The following LRRTM4 variants were observed in gnomAD, a reference collection of about 807,000 sequenced individuals.
LRRTM4 encodes the protein leucine rich repeat transmembrane neuronal 4.
LRRTM4 carries 25 observed loss-of-function variants against 47.6 expected under a neutral mutation model. The observed-to-expected ratio is 0.53, with a 90% CI of 0.38 to 0.73. The LOEUF (loss-of-function observed/expected upper bound fraction) is 0.73, where lower values mean the gene tolerates loss of function less well. LRRTM4 is among the 30% of genes least tolerant of loss of function. LRRTM4 has a pLI of 0.00. For synonymous variants in LRRTM4, 311 were observed against 269.5 expected, an observed-to-expected ratio of 1.15 and a Z score of -1.51; for missense variants, 638 against 713.4, an observed-to-expected ratio of 0.89 and a Z score of 1.20.
intron 3 of LRRTM4, among the ~76,000 whole-genome samples, chr2:77,359,752 T>C (rs940396175): frequency 2.0e-5 from 3 of 152,186 alleles, no homozygotes; most frequent in African/African-American, 7.2e-5. Flanking sequence ...TTTCAACTAA[T>C]AGATGTGGAC....
At chr2:77,082,035 T>C (rs1041211187) in intron 3 of LRRTM4, among the ~76,000 whole-genome samples, 2 of 152,170 alleles carry the variant, frequency 1.3e-5, no homozygotes, top group Admixed American at 1.3e-4. Context: ...CCTAGTTTAG[T>C]AGCTATATGT....
chr2:76,810,389 T>C (rs1573150173), intron 3 of LRRTM4, among the ~76,000 whole-genome samples: 1 of 152,222 alleles, frequency 6.6e-6, no homozygotes, highest in South Asian at 2.1e-4. Context: ...ACCAAAAGGA[T>C]ATAAAATAGA....
chr2:77,492,812 T>TATC (rs1157286392), intron 3 of LRRTM4, among the ~76,000 whole-genome samples: 3 of 152,214 alleles, frequency 2.0e-5, no homozygotes, highest in East Asian at 3.9e-4. Context: ...ATGTGAATAT[T>TATC]ATCATTAGGA....
intron 3 of LRRTM4, among the ~76,000 whole-genome samples, chr2:77,003,563 T>C (rs189042117): frequency 1.3e-3 from 205 of 152,316 alleles, no homozygotes; most frequent in African/African-American, 4.7e-3. Context: ...GATGTGACTT[T>C]GATCCTCATT....
intron 3 of LRRTM4, among the ~76,000 whole-genome samples, chr2:76,845,254 G>T (rs1671805084): frequency 6.6e-6 from 1 of 152,150 alleles, no homozygotes; most frequent in African/African-American, 2.4e-5. Context: ...ACTTTGGGAG[G>T]CTGAGGTAGG....
chr2:76,956,852 A>T (rs1346021728), intron 3 of LRRTM4, among the ~76,000 whole-genome samples: 1 of 151,508 alleles, frequency 6.6e-6, no homozygotes, highest in Non-Finnish European at 1.5e-5. Flanking sequence ...GAAATGGATA[A>T]ATTTCTAGAA....
chr2:76,987,949 T>C (rs1368866388), intron 3 of LRRTM4, among the ~76,000 whole-genome samples: 1 of 151,942 alleles, frequency 6.6e-6, no homozygotes, highest in Admixed American at 6.6e-5. Context: ...ATATTTATTA[T>C]ATGAATAAAT....
intron 3 of LRRTM4, among the ~76,000 whole-genome samples, chr2:77,170,963 C>T (rs928070376): frequency 2.1e-4 from 11 of 51,318 alleles, no homozygotes; most frequent in Admixed American, 8.3e-4. Context: ...ATTATATGTA[C>T]GTATACTAAA....
intron 3 of LRRTM4, among the ~76,000 whole-genome samples, chr2:76,885,937 C>T (rs746243857): frequency 4.0e-5 from 6 of 151,898 alleles, no homozygotes; most frequent in Non-Finnish European, 7.4e-5. Flanking sequence ...CTACAAATGG[C>T]TTGGAAGAAT....
At chr2:77,199,226 C>G (rs1429134701) in intron 3 of LRRTM4, among the ~76,000 whole-genome samples, 2 of 152,094 alleles carry the variant, frequency 1.3e-5, no homozygotes, top group African/African-American at 4.8e-5. Flanking sequence ...GAAAAAGGAA[C>G]CAACTCTTAC....
At chr2:77,341,968 T>C (rs1671388030) in intron 3 of LRRTM4, among the ~76,000 whole-genome samples, 1 of 151,952 alleles carries the variant, frequency 6.6e-6, no homozygotes. Flanking sequence ...AGTAATACAG[T>C]ATCACAGAAT....
At chr2:77,253,739 A>G (rs1675684945) in intron 3 of LRRTM4, among the ~76,000 whole-genome samples, 1 of 152,120 alleles carries the variant, frequency 6.6e-6, no homozygotes, top group African/African-American at 2.4e-5. Flanking sequence ...GAAATAGAAT[A>G]TATAAAAAAG....
chr2:77,074,322 G>C (rs1037714967), intron 3 of LRRTM4, among the ~76,000 whole-genome samples: 1 of 152,090 alleles, frequency 6.6e-6, no homozygotes, highest in African/African-American at 2.4e-5. Flanking sequence ...CTGTCTTCAT[G>C]GGCCTGGCTG....
chr2:76,754,918 G>A (rs543466247), intron 3 of LRRTM4, among the ~76,000 whole-genome samples: 67 of 152,228 alleles, frequency 4.4e-4, no homozygotes, highest in African/African-American at 1.6e-3. Context: ...ACAAGCACAT[G>A]TGCACAACAG....
chr2:76,781,085 C>T (rs1258410034), intron 3 of LRRTM4, among the ~76,000 whole-genome samples: 2 of 152,260 alleles, frequency 1.3e-5, no homozygotes, highest in Admixed American at 6.5e-5. Context: ...GGTCAGGGAC[C>T]CACTTGAGGA....
intron 3 of LRRTM4, among the ~76,000 whole-genome samples, chr2:76,778,944 G>T (rs1439134354): frequency 1.3e-5 from 2 of 151,152 alleles, no homozygotes; most frequent in African/African-American, 4.9e-5. Context: ...GCATCCCAGA[G>T]ATTCTGGTAT....
chr2:77,521,939 G>A (rs1304721786), intron 1 of LRRTM4, 121 bp from the exon 2 acceptor site: 8 of 553,850 alleles, frequency 1.4e-5, no homozygotes, highest in African/African-American at 5.9e-5. Flanking sequence ...AAAGGAAGCC[G>A]TTGGGGGGAT....
chr2:76,905,303 G>A (rs1382229662), intron 3 of LRRTM4, among the ~76,000 whole-genome samples: 1 of 152,056 alleles, frequency 6.6e-6, no homozygotes, highest in Non-Finnish European at 1.5e-5. Flanking sequence ...TCTGTTAGAA[G>A]GAAAACTAAC....
intron 3 of LRRTM4, among the ~76,000 whole-genome samples, chr2:77,411,819 T>G (rs1674452663): frequency 1.3e-5 from 2 of 151,808 alleles, no homozygotes. Flanking sequence ...AACACACCAA[T>G]GTGTTCATTT....
Sources: allele counts gnomAD v4.1 joint callset (sites outside exome capture counted in the v4.1 genomes callset), GRCh38; gene constraint gnomAD v4.1.1; transcripts MANE v1.5; gene names NCBI Gene and HGNC (gene_info 2026-07-23, HGNC 2026-07-21).